The following DCP1B variants were observed in gnomAD, a reference collection of about 807,000 sequenced individuals.
DCP1B encodes the protein decapping mRNA 1B, also known as mRNA-decapping enzyme 1B.
A neutral mutation model predicts 60.5 loss-of-function variants in DCP1B; 47 were observed. The observed-to-expected ratio is 0.78, with a 90% CI of 0.61 to 0.99. DCP1B has a LOEUF of 0.99. Ranked by LOEUF, DCP1B falls within the 50% of genes least tolerant of loss-of-function variation. DCP1B has a pLI of 0.00. For synonymous variants in DCP1B, 267 were observed against 280.3 expected, an observed-to-expected ratio of 0.95 and a Z score of 0.47; for missense variants, 725 against 756.8, an observed-to-expected ratio of 0.96 and a Z score of 0.49.
chr12:1,977,618 A>G (rs982139439), intron 3 of DCP1B, among the ~76,000 whole-genome samples: 6 of 152,244 alleles, frequency 3.9e-5, no homozygotes, highest in African/African-American at 1.4e-4. Context: ...TAAGTAAAAT[A>G]TAAGATATGG....
In DCP1B at chr12:1,946,518, A is replaced by T. The variant is rs370631956; in HGVS notation, c.1774-232T>A. Among the ~76,000 whole-genome samples, 6 of 152,220 alleles carry T rather than the reference A, an allele frequency of 3.9e-5. No homozygotes were observed. The East Asian group carries it at 9.6e-4, about 24-fold the overall frequency. ...ATGCACAGCAGCAAGAGCTCATTAC[A>T]TGCAGCACAGATGGGCAGCCCAGAC... On this transcript the variant is annotated intron_variant, in intron 8 of 8. Coordinates refer to ENST00000280665, the MANE Select transcript of DCP1B (RefSeq NM_152640.5).
intron 8 of DCP1B, among the ~76,000 whole-genome samples, chr12:1,947,541 A>G (rs1271573230): frequency 2.0e-5 from 3 of 152,216 alleles, no homozygotes; most frequent in Non-Finnish European, 4.4e-5. Flanking sequence ...CTAATCCGCC[A>G]TGTTCAGCCA....
chr12:1,998,031 G>T, intron 1 of DCP1B, 56 bp from the exon 2 acceptor site: 1 of 1,478,112 alleles, frequency 6.8e-7, no homozygotes, highest in Non-Finnish European at 9.2e-7. Flanking sequence ...ATTCACAAAG[G>T]TATAAAACAA....
At chr12:1,989,151 A>T (rs1158651888) in intron 3 of DCP1B, among the ~76,000 whole-genome samples, 1 of 152,216 alleles carries the variant, frequency 6.6e-6, no homozygotes, top group East Asian at 1.9e-4. Flanking sequence ...CAGGAGGCTG[A>T]GGTGGGAAGA....
chr12:1,988,909 T>C (rs1423416305), intron 3 of DCP1B, among the ~76,000 whole-genome samples: 1 of 152,272 alleles, frequency 6.6e-6, no homozygotes, highest in Non-Finnish European at 1.5e-5. Context: ...AAATTCACTT[T>C]AAGACTTAGG....
intron 7 of DCP1B, 92 bp from the exon 8 acceptor site, chr12:1,949,426 C>G: frequency 3.2e-6 from 5 of 1,542,346 alleles, no homozygotes; most frequent in Non-Finnish European, 4.4e-6. Context: ...TCTAAGCATT[C>G]CCTGTCCACA....
intron 3 of DCP1B, among the ~76,000 whole-genome samples, chr12:1,983,708 T>C (rs1388247342): frequency 3.3e-5 from 5 of 152,112 alleles, no homozygotes; most frequent in East Asian, 1.9e-4. Flanking sequence ...TGTCATTCGA[T>C]AGAATATAAT....
intron 2 of DCP1B, among the ~76,000 whole-genome samples, chr12:1,995,900 G>A (rs906603772): frequency 2.0e-5 from 3 of 152,108 alleles, no homozygotes; most frequent in Non-Finnish European, 4.4e-5. Flanking sequence ...TGAGGGGCTG[G>A]CCACCTCCAC....
downstream of DCP1B, among the ~76,000 whole-genome samples, chr12:1,942,187 A>T (rs2030296191): frequency 6.6e-6 from 1 of 152,244 alleles, no homozygotes. Context: ...ATCAAAAAAG[A>T]CAAAGAAGGG....
chr12:1,975,084 A>G (rs984257918), intron 3 of DCP1B, among the ~76,000 whole-genome samples: 1 of 152,166 alleles, frequency 6.6e-6, no homozygotes, highest in Non-Finnish European at 1.5e-5. Context: ...AGTCTAGCCA[A>G]AGGAGCCTAG....
rs745491834 is a variant in DCP1B at position 1,953,184 on chromosome 12, C to CTGG, written c.753_755dup (p.His251dup). The CTGG allele has an allele frequency of 7.6e-5, 123 of 1,611,100 alleles. No homozygotes were observed. The highest frequency in any genetic ancestry group is 6.5e-4 in the East Asian group (29 of 44,892). On this transcript the variant is annotated inframe_insertion, in exon 7 of 9. Coordinates refer to ENST00000280665, the MANE Select transcript of DCP1B (RefSeq NM_152640.5). The stretch of plus-strand genomic sequence containing the variant: ...GCTGCTGCTGCTGCTGCTGCTGCTG[C>CTGG]TGGTGGAGAGTCTGCGGAGGCTCCA...
At chr12:1,997,884 TA>T in intron 2 of DCP1B, 50 bp downstream of exon 2, 1 of 1,455,562 alleles carries the variant, frequency 6.9e-7, no homozygotes, top group Non-Finnish European at 9.5e-7. Flanking sequence ...ACAACGGAGC[TA>T]AAATATTATT....
chr12:1,951,990 T>C (rs570678330), intron 7 of DCP1B, among the ~76,000 whole-genome samples: 1 of 152,244 alleles, frequency 6.6e-6, no homozygotes, highest in East Asian at 1.9e-4. Context: ...CTCAAAAAGG[T>C]TGGGGGAAGT....
intron 1 of DCP1B, 100 bp downstream of exon 1, chr12:2,004,182 A>C (rs7298333): frequency 0.45 from 690,753 of 1,524,088 alleles, 157,259 homozygotes; most frequent in East Asian, 0.52. Flanking sequence ...CCAGGGCGTC[A>C]ACGTCTCCTC....
intron 3 of DCP1B, among the ~76,000 whole-genome samples, chr12:1,970,064 G>A (rs1210761103): frequency 6.6e-6 from 1 of 152,168 alleles, no homozygotes; most frequent in Non-Finnish European, 1.5e-5. Context: ...TTCGTTTGAT[G>A]TTATACATTT....
intron 1 of DCP1B, 106 bp downstream of exon 1, chr12:2,004,176 G>C: frequency 6.7e-7 from 1 of 1,500,608 alleles, no homozygotes; most frequent in Non-Finnish European, 9.0e-7. Flanking sequence ...CCACTTCCAG[G>C]GCGTCAACGT....
intron 3 of DCP1B, among the ~76,000 whole-genome samples, chr12:1,968,842 T>C (rs918843713): frequency 1.3e-5 from 2 of 152,228 alleles, no homozygotes; most frequent in African/African-American, 4.8e-5. Context: ...CATTTAGTAA[T>C]GAAAGAAACT....
intron 3 of DCP1B, among the ~76,000 whole-genome samples, chr12:1,970,280 G>A (rs868421385): frequency 1.7e-4 from 26 of 152,258 alleles, no homozygotes; most frequent in African/African-American, 6.0e-4. Flanking sequence ...TTAAGACATC[G>A]TGAAGACTTC....
At chr12:1,955,793 C>A (rs1296986508) in intron 5 of DCP1B, among the ~76,000 whole-genome samples, 1 of 152,128 alleles carries the variant, frequency 6.6e-6, no homozygotes, top group Non-Finnish European at 1.5e-5. Flanking sequence ...ACTAACAACA[C>A]CAGCCTCCAG....
Sources: gnomAD v4.1 joint callset for allele counts (sites outside exome capture counted in the v4.1 genomes callset) on GRCh38, gnomAD v4.1.1 for gene constraint, MANE v1.5 for transcripts, NCBI Gene and HGNC (gene_info 2026-07-23, HGNC 2026-07-21) for gene names.